GAS7: variants seen among roughly 807,000 people sequenced by gnomAD.
GAS7 encodes growth arrest specific 7.
Under a neutral mutation model 71.1 loss-of-function variants are expected in GAS7, and 28 were observed. The observed-to-expected ratio is 0.39, with a 90% CI of 0.29 to 0.54. The LOEUF is 0.54. Among genes scored for constraint, GAS7 ranks in the 20% least tolerant of loss-of-function variants. GAS7 has a pLI of 0.62. For synonymous variants in GAS7, 258 were observed against 245.8 expected, an observed-to-expected ratio of 1.05 and a Z score of -0.46; for missense variants, 436 against 627.8, an observed-to-expected ratio of 0.69 and a Z score of 3.27.
At position 10,020,123 on chromosome 17, in the gene GAS7, C is replaced by A. The variant is rs1597704804; in HGVS notation, c.184-226G>T. 5 of 474,682 alleles carry A rather than the reference C, an allele frequency of 1.1e-5. No individual in the cohort carries two copies. The South Asian group carries it at 1.6e-4, about 15-fold the overall frequency. 29.4% of individuals were successfully genotyped at this position (474,682 alleles called of 1,614,324 possible). A position where few individuals can be genotyped will look rare whatever the true frequency, so the allele number is the denominator to read the frequency against. On this transcript the variant is annotated intron_variant, in intron 1 of 13. Transcript: ENST00000432992. ...TTCAGAGCCCCTGCACAGAGGACAG[C>A]TCCTCTGGGAGCAGAGAGGAAAATG...
chr17:9,960,175 T>A (rs955231483), intron 4 of GAS7, among the ~76,000 whole-genome samples: 13 of 151,792 alleles, frequency 8.6e-5, no homozygotes, highest in Non-Finnish European at 1.8e-4. Context: ...GCCCCAGGAC[T>A]TGTGCATGAC....
intron 1 of GAS7, among the ~76,000 whole-genome samples, chr17:10,191,019 T>C (rs1394408293): frequency 6.6e-6 from 1 of 151,026 alleles, no homozygotes; most frequent in Admixed American, 6.6e-5. Flanking sequence ...CTACTAAAAA[T>C]ACAAAACTAG....
In GAS7 at chr17:9,959,436, G is replaced by A. The variant is rs900830394; in HGVS notation, c.472-181C>T. 1.5e-5 allele frequency: 22 copies of A among 1,441,902 alleles called. No homozygotes were observed. In the East Asian group the frequency reaches 4.8e-4, roughly 31 times the overall value. 89.3% of individuals were successfully genotyped at this position (1,441,902 alleles called of 1,614,324 possible). ...CTCCCTGACCCCACGCTGTTCCCAC[G>A]CCCAGCTCTCGGGCTGAAGGCGAAT... is the stretch of plus-strand genomic sequence containing the variant. On this transcript the variant is annotated intron_variant, in intron 4 of 13. Transcript: ENST00000432992. The surrounding 1 kb of genome is among the most constrained non-coding windows in gnomAD (Gnocchi z 5.0).
intron 2 of GAS7, among the ~76,000 whole-genome samples, chr17:9,992,082 C>T (rs1050614135): frequency 3.9e-5 from 6 of 152,078 alleles, no homozygotes; most frequent in Non-Finnish European, 4.4e-5. Flanking sequence ...TTTTATCAAG[C>T]GATCTCAGTG....
intron 1 of GAS7, among the ~76,000 whole-genome samples, chr17:10,027,850 C>A (rs1041871573): frequency 1.3e-5 from 2 of 152,134 alleles, no homozygotes; most frequent in Non-Finnish European, 2.9e-5. Flanking sequence ...TGAGACCCCA[C>A]CGCCCCTCCA....
At chr17:10,137,027 T>G (rs550548675) in intron 1 of GAS7, among the ~76,000 whole-genome samples, 1 of 152,040 alleles carries the variant, frequency 6.6e-6, no homozygotes, top group Non-Finnish European at 1.5e-5. Flanking sequence ...GGTGGGAGAA[T>G]CACTTGATTC....
intron 1 of GAS7, among the ~76,000 whole-genome samples, chr17:10,145,893 A>C (rs543034923): frequency 1.3e-5 from 2 of 152,318 alleles, no homozygotes; most frequent in East Asian, 1.9e-4. Context: ...GAGCAAGAAC[A>C]ACCATCTCAA....
At chr17:10,036,673 G>C in intron 1 of GAS7, 1 of 1,352,704 alleles carries the variant, frequency 7.4e-7, no homozygotes, top group Non-Finnish European at 9.5e-7. Flanking sequence ...ACATTGCATA[G>C]TTCCTTCCAA....
chr17:10,126,352 T>TG (rs1567602219), intron 1 of GAS7, among the ~76,000 whole-genome samples: 3 of 137,232 alleles, frequency 2.2e-5, no homozygotes, highest in Non-Finnish European at 3.2e-5. Context: ...ACTCATACAC[T>TG]CACACACACT....
intron 1 of GAS7, among the ~76,000 whole-genome samples, chr17:10,031,777 T>C: frequency 6.6e-6 from 1 of 152,224 alleles, no homozygotes; most frequent in Non-Finnish European, 1.5e-5. Context: ...GCCCGTCCTT[T>C]TCGTTGGTGG....
At chr17:9,953,733 G>C (rs911139121) in intron 5 of GAS7, among the ~76,000 whole-genome samples, 7 of 152,240 alleles carry the variant, frequency 4.6e-5, no homozygotes, top group African/African-American at 1.7e-4. Context: ...CAAGCTGCAT[G>C]CATACATTTG....
chr17:10,186,888 CA>C (rs10627234), intron 1 of GAS7, among the ~76,000 whole-genome samples: 15 of 148,466 alleles, frequency 1.0e-4, no homozygotes, highest in Admixed American at 6.7e-5. Flanking sequence ...ATTCTGTCTC[CA>C]AAAAAAAACA....
In GAS7 at chr17:9,959,765, G is replaced by A. The variant is rs868152987; in HGVS notation, c.472-510C>T. ...TGCTCGGTCACCTCCCTGACTCCCC[G>A]CTCCCCCAACCCCGTGAGCCAGGAG... On this transcript the variant is annotated intron_variant, in intron 4 of 13. Transcript: ENST00000432992. The surrounding 1 kb of genome is among the most constrained non-coding windows in gnomAD (Gnocchi z 5.0). Among the ~76,000 whole-genome samples, 2 of 152,058 alleles carry A rather than the reference G, an allele frequency of 1.3e-5. No homozygotes were observed. The highest frequency in any genetic ancestry group is 1.9e-4 in the East Asian group (1 of 5,192).
At chr17:10,191,604 C>A (rs2074501352) in intron 1 of GAS7, among the ~76,000 whole-genome samples, 1 of 144,976 alleles carries the variant, frequency 6.9e-6, no homozygotes, top group East Asian at 2.1e-4. Flanking sequence ...GGGCTGGGCA[C>A]GGTGGCTCAC....
At chr17:9,993,278 C>T (rs1450128770) in intron 2 of GAS7, among the ~76,000 whole-genome samples, 1 of 152,148 alleles carries the variant, frequency 6.6e-6, no homozygotes, top group Non-Finnish European at 1.5e-5. Flanking sequence ...TGTTTCCTGA[C>T]TTTCTAATGA....
chr17:9,946,121 C>T lies in GAS7; in HGVS notation c.615+773G>A, dbSNP rs115105154. Among the ~76,000 whole-genome samples, 611 of 152,220 alleles carry T rather than the reference C, an allele frequency of 4.0e-3. 7 individuals are homozygous for T. Among genetic ancestry groups the T allele is most frequent in the African/African-American group, 0.014 (566 of 41,530 alleles). On this transcript the variant is annotated intron_variant, in intron 6 of 13. Transcript: ENST00000432992. Reference sequence around the variant, plus strand: ...ACATTCACAGGGTTTGTGACCATCCCCACTATCTGATTCCAGAAAGGGGTG... The same window carrying T: ...ACATTCACAGGGTTTGTGACCATCCTCACTATCTGATTCCAGAAAGGGGTG...
chr17:9,963,766 G>A (rs1161418156), intron 4 of GAS7, among the ~76,000 whole-genome samples: 1 of 152,074 alleles, frequency 6.6e-6, no homozygotes, highest in Non-Finnish European at 1.5e-5. Context: ...GGCATTTTTT[G>A]AGACAATTGA....
intron 6 of GAS7, among the ~76,000 whole-genome samples, chr17:9,946,348 G>A (rs1328534488): frequency 6.6e-6 from 1 of 152,146 alleles, no homozygotes; most frequent in East Asian, 1.9e-4. Flanking sequence ...ATGGTTGTGC[G>A]ACCATCACCA....
At chr17:10,175,408 A>C (rs1002465918) in intron 1 of GAS7, among the ~76,000 whole-genome samples, 2 of 152,048 alleles carry the variant, frequency 1.3e-5, no homozygotes, top group Non-Finnish European at 2.9e-5. Context: ...ATTTCCTCAC[A>C]GTTCTAGAAG....
Sources: allele counts gnomAD v4.1 joint callset (sites outside exome capture counted in the v4.1 genomes callset), GRCh38; gene constraint gnomAD v4.1.1; non-coding constraint Gnocchi (gnomAD v3.1); transcripts MANE v1.5; gene names NCBI Gene and HGNC (gene_info 2026-07-23, HGNC 2026-07-21).